The following CNTN5 variants were observed in gnomAD, a reference collection of about 807,000 sequenced individuals.
The protein encoded by CNTN5 is contactin 5, also known as contactin-5.
CNTN5 carries 77 observed loss-of-function variants against 129.1 expected under a neutral mutation model. The observed-to-expected ratio is 0.60, with a 90% CI of 0.50 to 0.72. The LOEUF (loss-of-function observed/expected upper bound fraction) is 0.72, where lower values mean the gene tolerates loss of function less well. Ranked by LOEUF, CNTN5 falls within the 30% of genes least tolerant of loss-of-function variation. The probability of loss-of-function intolerance (pLI) is 0.00; values close to 1 mark genes in which losing one functional copy is unlikely to be tolerated. For synonymous variants in CNTN5, 509 were observed against 465.6 expected (o/e 1.09, Z -1.20); for missense variants, 1,478 against 1,328.8 (o/e 1.11, Z -1.75).
chr11:99,541,956 CAAAAAAAA>C (rs56363127), intron 2 of CNTN5, among the ~76,000 whole-genome samples: 1 of 68,876 alleles, frequency 1.5e-5, no homozygotes, highest in African/African-American at 5.8e-5. Context: ...GATCTTGTCT[CAAAAAAAA>C]AAAAAAAAAA....
intron 1 of CNTN5, among the ~76,000 whole-genome samples, chr11:99,162,231 G>C (rs1433854624): frequency 6.6e-6 from 1 of 151,470 alleles, no homozygotes; most frequent in Admixed American, 6.6e-5. Context: ...GTTCTCCCCA[G>C]TAAAACACCA....
intron 3 of CNTN5, among the ~76,000 whole-genome samples, chr11:99,626,691 C>A (rs1314322424): frequency 6.6e-6 from 1 of 152,008 alleles, no homozygotes; most frequent in Non-Finnish European, 1.5e-5. Context: ...AAACATGAAT[C>A]GCTGACATTT....
intron 9 of CNTN5, among the ~76,000 whole-genome samples, chr11:100,051,930 A>G (rs1942974431): frequency 6.6e-6 from 1 of 151,922 alleles, no homozygotes; most frequent in African/African-American, 2.4e-5. Flanking sequence ...CTATCAGTGA[A>G]ATTAAATTTG....
At chr11:99,296,264 A>G (rs538130560) in intron 1 of CNTN5, among the ~76,000 whole-genome samples, 16 of 152,218 alleles carry the variant, frequency 1.1e-4, no homozygotes, top group African/African-American at 3.4e-4. Flanking sequence ...TTCCAGGAGT[A>G]TGGAGGCACC....
At chr11:99,871,076 A>G (rs1948492394) in intron 6 of CNTN5, among the ~76,000 whole-genome samples, 1 of 152,044 alleles carries the variant, frequency 6.6e-6, no homozygotes, top group Non-Finnish European at 1.5e-5. Flanking sequence ...GAATCAAACC[A>G]ATCTTAGTTA....
chr11:99,704,504 A>G (rs957546950), intron 3 of CNTN5, among the ~76,000 whole-genome samples: 2 of 151,186 alleles, frequency 1.3e-5, no homozygotes, highest in African/African-American at 4.8e-5. Flanking sequence ...AAAAATATAT[A>G]TGAAATACTA....
intron 4 of CNTN5, among the ~76,000 whole-genome samples, chr11:99,837,787 G>T (rs1947354430): frequency 6.6e-6 from 1 of 151,444 alleles, no homozygotes; most frequent in African/African-American, 2.4e-5. Flanking sequence ...TGGGCTCTTA[G>T]GAAATACTTT....
intron 6 of CNTN5, among the ~76,000 whole-genome samples, chr11:99,888,109 C>T (rs191064163): frequency 7.2e-4 from 110 of 152,208 alleles, no homozygotes; most frequent in Non-Finnish European, 1.2e-3. Context: ...AGAGGTAATA[C>T]GTATATAGCA....
At chr11:99,814,446 C>G (rs2135531179) in intron 3 of CNTN5, among the ~76,000 whole-genome samples, 1 of 152,220 alleles carries the variant, frequency 6.6e-6, no homozygotes, top group East Asian at 1.9e-4. Context: ...AGTAGTGTTT[C>G]TTGGAATCTC....
chr11:99,507,472 T>C (rs1232518396), intron 2 of CNTN5, among the ~76,000 whole-genome samples: 1 of 152,062 alleles, frequency 6.6e-6, no homozygotes, highest in Non-Finnish European at 1.5e-5. Flanking sequence ...TCTGTTTTAA[T>C]TTAATTTTAA....
intron 1 of CNTN5, among the ~76,000 whole-genome samples, chr11:99,158,907 A>C (rs1860462134): frequency 6.6e-6 from 1 of 152,206 alleles, no homozygotes; most frequent in South Asian, 2.1e-4. Context: ...AAACATATTG[A>C]ATATTAAAAC....
intron 4 of CNTN5, among the ~76,000 whole-genome samples, chr11:99,826,388 T>C (rs1946958714): frequency 6.6e-6 from 1 of 152,154 alleles, no homozygotes; most frequent in Non-Finnish European, 1.5e-5. Context: ...TCTTTGCAAG[T>C]CCACACCTTT....
intron 18 of CNTN5, among the ~76,000 whole-genome samples, chr11:100,284,927 C>T (rs537805438): frequency 3.9e-5 from 6 of 152,272 alleles, no homozygotes; most frequent in South Asian, 4.1e-4. Flanking sequence ...CCTGGATTAA[C>T]GTTCTACTGT....
chr11:100,208,480 C>G (rs546718057), intron 15 of CNTN5, among the ~76,000 whole-genome samples: 3 of 152,128 alleles, frequency 2.0e-5, no homozygotes, highest in Non-Finnish European at 4.4e-5. Context: ...GTTCTAAGAC[C>G]AAGAGCAGTA....
At chr11:100,195,737 T>C (rs1247661237) in intron 15 of CNTN5, among the ~76,000 whole-genome samples, 1 of 151,926 alleles carries the variant, frequency 6.6e-6, no homozygotes, top group Non-Finnish European at 1.5e-5. Flanking sequence ...TATAAGAAAT[T>C]ATCTATCACC....
At chr11:100,222,148 T>C (rs1224880502) in intron 15 of CNTN5, among the ~76,000 whole-genome samples, 1 of 152,198 alleles carries the variant, frequency 6.6e-6, no homozygotes, top group Non-Finnish European at 1.5e-5. Context: ...ATGATGTAGA[T>C]AGAATCTAAA....
chr11:99,870,249 G>A (rs944046653), intron 6 of CNTN5, among the ~76,000 whole-genome samples: 22 of 152,006 alleles, frequency 1.4e-4, no homozygotes, highest in Non-Finnish European at 3.1e-4. Flanking sequence ...TTTACCTCCA[G>A]GTTGATAATT....
At position 99,136,673 on chromosome 11, in the gene CNTN5, C is replaced by T. The variant is rs1029938932; in HGVS notation, c.-210+115403C>T. Reference sequence around the variant, plus strand: ...ACATCTCCTTCTCCTGAAGCTGCAGCTTATCAGCTATCAAATAAGAGATAG... The same window carrying T: ...ACATCTCCTTCTCCTGAAGCTGCAGTTTATCAGCTATCAAATAAGAGATAG... On this transcript the variant is annotated intron_variant, in intron 1 of 24. Transcript: ENST00000524871. Among the ~76,000 whole-genome samples the T allele has an allele frequency of 2.6e-5, 4 of 152,168 alleles. No individual in the cohort carries two copies. In the South Asian group the frequency reaches 6.2e-4, roughly 24 times the overall value.
intron 7 of CNTN5, among the ~76,000 whole-genome samples, chr11:99,923,709 C>A (rs1395513228): frequency 6.6e-6 from 1 of 152,008 alleles, no homozygotes; most frequent in African/African-American, 2.4e-5. Context: ...GAAGTATTCC[C>A]TTTTCACTGT....
Sources: allele counts gnomAD v4.1 joint callset (sites outside exome capture counted in the v4.1 genomes callset), GRCh38; gene constraint gnomAD v4.1.1; transcripts MANE v1.5; gene names NCBI Gene and HGNC (gene_info 2026-07-23, HGNC 2026-07-21).